FAM110B: variants seen among roughly 807,000 people sequenced by gnomAD.
The protein encoded by FAM110B is family with sequence similarity 110 member B.
Under a neutral mutation model 20.4 loss-of-function variants are expected in FAM110B, and 6 were observed. The observed-to-expected ratio is 0.29, with a 90% CI of 0.16 to 0.58. The LOEUF is 0.58. Among genes scored for constraint, FAM110B ranks in the 20% least tolerant of loss-of-function variants. The probability of loss-of-function intolerance (pLI) is 0.90; values close to 1 mark genes in which losing one functional copy is unlikely to be tolerated. For synonymous variants in FAM110B, 226 were observed against 214.1 expected, an observed-to-expected ratio of 1.06 and a Z score of -0.49; for missense variants, 434 against 498.2, an observed-to-expected ratio of 0.87 and a Z score of 1.23.
At chr8:58,057,087 T>C (rs749201796) in intron 2 of FAM110B, among the ~76,000 whole-genome samples, 116 of 152,358 alleles carry the variant, frequency 7.6e-4, no homozygotes, top group Admixed American at 1.8e-3. Context: ...CCACTTGATT[T>C]ATTTACACCA....
At chr8:58,080,341 A>G (rs1806158504) in intron 3 of FAM110B, among the ~76,000 whole-genome samples, 1 of 152,254 alleles carries the variant, frequency 6.6e-6, no homozygotes. Flanking sequence ...TGTAGAAACC[A>G]TGAAAATCTT....
chr8:58,130,944 C>G (rs1167963871), intron 3 of FAM110B, among the ~76,000 whole-genome samples: 1 of 152,096 alleles, frequency 6.6e-6, no homozygotes, highest in Admixed American at 6.5e-5. Context: ...AAGAATATTC[C>G]CACAACAGTA....
chr8:58,128,146 C>T (rs1807559291), intron 3 of FAM110B, among the ~76,000 whole-genome samples: 1 of 152,180 alleles, frequency 6.6e-6, no homozygotes, highest in Non-Finnish European at 1.5e-5. Flanking sequence ...GCCATATCAC[C>T]TTCACTATCA....
intron 1 of FAM110B, among the ~76,000 whole-genome samples, chr8:58,005,698 G>A (rs1017592381): frequency 5.9e-5 from 9 of 152,136 alleles, no homozygotes; most frequent in South Asian, 2.1e-4. Flanking sequence ...TATTACAGCC[G>A]TTAGCATCTC....
intron 2 of FAM110B, among the ~76,000 whole-genome samples, chr8:58,033,410 T>C (rs888148789): frequency 2.0e-4 from 30 of 152,336 alleles, no homozygotes; most frequent in African/African-American, 7.0e-4. Flanking sequence ...CCTTCAGTTA[T>C]ACACCCAATA....
chr8:58,064,720 T>C (rs1805727621), intron 2 of FAM110B, among the ~76,000 whole-genome samples: 1 of 152,206 alleles, frequency 6.6e-6, no homozygotes, highest in Non-Finnish European at 1.5e-5. Context: ...CATTAACTCA[T>C]TTAATCCACA....
Position 58,076,454 on chromosome 8 carries a change from G to T in FAM110B, c.-325+831G>T, listed in dbSNP as rs117958648. ...AGCATCTTTGGAGGATGGCCGACCAGCAGGCCTGGGAATGGCAGGGTGCTT... is the reference window on the plus strand; with the variant it reads ...AGCATCTTTGGAGGATGGCCGACCATCAGGCCTGGGAATGGCAGGGTGCTT... On this transcript the variant is annotated intron_variant, in intron 3 of 3. Transcript: ENST00000519262. Among the ~76,000 whole-genome samples, 382 of 152,314 alleles carry T rather than the reference G, an allele frequency of 2.5e-3. 2 individuals are homozygous for T. Among genetic ancestry groups the T allele is most frequent in the Non-Finnish European group, 3.6e-3 (242 of 68,034 alleles).
At chr8:58,126,868 C>T (rs1807520088) in intron 3 of FAM110B, among the ~76,000 whole-genome samples, 1 of 152,112 alleles carries the variant, frequency 6.6e-6, no homozygotes, top group South Asian at 2.1e-4. Flanking sequence ...ATCCTTTTAA[C>T]AGAGCCCTTC....
At chr8:58,073,755 G>A (rs1445309887) in intron 2 of FAM110B, among the ~76,000 whole-genome samples, 1 of 152,200 alleles carries the variant, frequency 6.6e-6, no homozygotes, top group Non-Finnish European at 1.5e-5. Context: ...ACTCCTGAAA[G>A]TCATTTCTCT....
intron 3 of FAM110B, among the ~76,000 whole-genome samples, chr8:58,085,168 T>G (rs1806301592): frequency 1.3e-5 from 2 of 152,352 alleles, no homozygotes; most frequent in Admixed American, 1.3e-4. Context: ...AAATTACTTT[T>G]TGTGGGGGTC....
rs1269369321 is a variant in FAM110B at position 58,146,404 on chromosome 8, G to T, written c.174G>T (p.Lys58Asn). 6.2e-7 allele frequency: 1 copy of T among 1,614,042 alleles called. No individual in the cohort carries two copies. The change falls in exon 4 of 4, where the codon AAG becomes AAT. Residue 58 changes from lysine (K) to asparagine (N), a missense_variant. Coordinates refer to ENST00000519262, the MANE Select transcript of FAM110B (RefSeq NM_001377989.1). ...LSAVERLEAD[K>N]AKYVKSQEVI... ...CCGTGGAGAGGCTGGAGGCCGACAA[G>T]GCCAAGTACGTCAAGAGCCAGGAGG... is the stretch of plus-strand genomic sequence containing the variant.
chr8:58,115,503 C>T (rs1365099104), intron 3 of FAM110B, among the ~76,000 whole-genome samples: 2 of 152,142 alleles, frequency 1.3e-5, no homozygotes, highest in East Asian at 3.8e-4. Context: ...AGTCGATTCT[C>T]GTGCCTCAGC....
chr8:58,030,482 A>G (rs1366781635), intron 1 of FAM110B, among the ~76,000 whole-genome samples: 1 of 152,202 alleles, frequency 6.6e-6, no homozygotes, highest in Non-Finnish European at 1.5e-5. Flanking sequence ...CCTTCCTAAT[A>G]CATGTTTAGT....
intron 2 of FAM110B, among the ~76,000 whole-genome samples, chr8:58,050,040 A>C (rs886518861): frequency 6.6e-6 from 1 of 152,192 alleles, no homozygotes; most frequent in African/African-American, 2.4e-5. Flanking sequence ...GACATTAATA[A>C]AATATCATGG....
chr8:58,006,315 C>T (rs779709033), intron 1 of FAM110B, among the ~76,000 whole-genome samples: 1 of 152,202 alleles, frequency 6.6e-6, no homozygotes, highest in African/African-American at 2.4e-5. Flanking sequence ...GACTTTCCAA[C>T]GGCTCTTCAT....
intron 2 of FAM110B, among the ~76,000 whole-genome samples, chr8:58,053,203 C>G (rs1805488609): frequency 6.6e-6 from 1 of 152,166 alleles, no homozygotes; most frequent in East Asian, 1.9e-4. Context: ...TTGAGAGAGT[C>G]TACAAGAGAC....
chr8:58,040,678 CT>C, intron 2 of FAM110B, among the ~76,000 whole-genome samples: 1 of 152,234 alleles, frequency 6.6e-6, no homozygotes, highest in East Asian at 1.9e-4. Flanking sequence ...ATATTAGGAA[CT>C]TTAAAATTGT....
chr8:58,116,274 A>G (rs1323538566), intron 3 of FAM110B, among the ~76,000 whole-genome samples: 1 of 152,186 alleles, frequency 6.6e-6, no homozygotes, highest in African/African-American at 2.4e-5. Context: ...CAGAGCATTC[A>G]GAAAGCTCCC....
Position 58,146,138 on chromosome 8 carries a change from G to A in FAM110B, c.-93G>A. 6.9e-7 allele frequency: 1 copy of A among 1,445,572 alleles called. No individual in the cohort carries two copies. The highest frequency in any genetic ancestry group is 9.2e-7 in the Non-Finnish European group (1 of 1,084,000). The allele number at this position is 1,445,572 out of a possible 1,614,324, so 89.5% of individuals were successfully genotyped here. ...CACTCGCTCCCAGGCTGCACCCGCC[G>A]CCCTTGGCGCTTCATGTACATGTGT... On this transcript the variant is annotated 5_prime_UTR_variant, in exon 4 of 4. Transcript: ENST00000519262.
Sources: allele counts gnomAD v4.1 joint callset (sites outside exome capture counted in the v4.1 genomes callset), GRCh38; gene constraint gnomAD v4.1.1; transcripts MANE v1.5; gene names NCBI Gene and HGNC (gene_info 2026-07-23, HGNC 2026-07-21).